NEGR1: variants seen among roughly 807,000 people sequenced by gnomAD.
NEGR1 encodes the protein neuronal growth regulator 1.
In NEGR1, 10 loss-of-function variants were observed where a neutral mutation model predicts 40.9. The ratio of observed to expected loss-of-function variants is 0.24; its 90% CI spans 0.15 to 0.42. The LOEUF (loss-of-function observed/expected upper bound fraction) is 0.42. Among genes scored for constraint, NEGR1 ranks in the 10% least tolerant of loss-of-function variants. NEGR1 has a pLI of 1.00. For missense variants in NEGR1, 352 were observed against 438.9 expected (o/e 0.80, Z 1.77); for synonymous variants, 185 against 166.8 (o/e 1.11, Z -0.84).
At chr1:71,419,884 T>C (rs1482770288) in intron 6 of NEGR1, among the ~76,000 whole-genome samples, 3 of 147,612 alleles carry the variant, frequency 2.0e-5, no homozygotes, top group Non-Finnish European at 3.0e-5. Flanking sequence ...GGAATTCTGG[T>C]CCAAAGAAGA....
In NEGR1 at chr1:71,986,402, C is replaced by T. The variant is rs139216692; in HGVS notation, c.177-51091G>A. Among the ~76,000 whole-genome samples the T allele has an allele frequency of 9.8e-5, 15 of 152,288 alleles. No homozygotes were observed. In the South Asian group the frequency reaches 1.0e-3, roughly 11 times the overall value. On this transcript the variant is annotated intron_variant, in intron 1 of 6. Transcript: ENST00000357731. ...CTTTGAACTCTGCAACTCAGTAACA[C>T]TGAGACGTCCTTCTGGCATGTCTGG...
chr1:71,912,913 C>G (rs1557430241), intron 2 of NEGR1, among the ~76,000 whole-genome samples: 1 of 151,982 alleles, frequency 6.6e-6, no homozygotes, highest in Non-Finnish European at 1.5e-5. Context: ...TTCAACTTAA[C>G]TTTGCAAAAT....
At chr1:71,959,628 C>A (rs767570079) in intron 1 of NEGR1, among the ~76,000 whole-genome samples, 5 of 152,082 alleles carry the variant, frequency 3.3e-5, no homozygotes, top group Non-Finnish European at 7.4e-5. Context: ...GCTTATTAAT[C>A]TTCAATTTCA....
At chr1:72,116,831 A>G (rs1649599228) in intron 1 of NEGR1, among the ~76,000 whole-genome samples, 1 of 151,756 alleles carries the variant, frequency 6.6e-6, no homozygotes, top group African/African-American at 2.4e-5. Context: ...TAACACTAAA[A>G]TGCCCTCCAA....
At chr1:71,666,177 G>GAAC (rs1652235453) in intron 4 of NEGR1, among the ~76,000 whole-genome samples, 1 of 152,058 alleles carries the variant, frequency 6.6e-6, no homozygotes, top group Admixed American at 6.6e-5. Context: ...CATCACTCAA[G>GAAC]AACATTATAT....
At chr1:71,857,839 T>C (rs1659831412) in intron 2 of NEGR1, among the ~76,000 whole-genome samples, 1 of 152,034 alleles carries the variant, frequency 6.6e-6, no homozygotes, top group South Asian at 2.1e-4. Context: ...ATAAATTCTA[T>C]ACAACCCTAC....
Position 72,100,361 on chromosome 1 carries a change from G to A in NEGR1, c.177-165050C>T, listed in dbSNP as rs190368859. ...TTTCTCTGATTTCAGTGCTTCCTCCGTTTTTACTATTGCAAACACCCAAGA... is the reference window on the plus strand; with the variant it reads ...TTTCTCTGATTTCAGTGCTTCCTCCATTTTTACTATTGCAAACACCCAAGA... On this transcript the variant is annotated intron_variant, in intron 1 of 6. Coordinates refer to ENST00000357731, the MANE Select transcript of NEGR1 (RefSeq NM_173808.3). Among the ~76,000 whole-genome samples the A allele has an allele frequency of 7.9e-5, 12 of 152,148 alleles. No individual in the cohort carries two copies. In the East Asian group the frequency reaches 9.7e-4, roughly 12 times the overall value.
chr1:71,536,102 A>G (rs1198780203), intron 6 of NEGR1, among the ~76,000 whole-genome samples: 1 of 151,318 alleles, frequency 6.6e-6, no homozygotes, highest in African/African-American at 2.4e-5. Flanking sequence ...AACCTTACCA[A>G]GTAGAAGCAA....
chr1:71,668,612 T>TA (rs1378371575), intron 4 of NEGR1, among the ~76,000 whole-genome samples: 1 of 152,170 alleles, frequency 6.6e-6, no homozygotes. Flanking sequence ...TGAAAGGACT[T>TA]ATATTCACTT....
intron 2 of NEGR1, among the ~76,000 whole-genome samples, chr1:71,817,364 A>G (rs1291760028): frequency 6.6e-6 from 1 of 152,066 alleles, no homozygotes; most frequent in Non-Finnish European, 1.5e-5. Context: ...TGGCCATTTT[A>G]GCCCAAGTAC....
At position 71,868,481 on chromosome 1, in the gene NEGR1, T is replaced by G. The variant is rs1179070502; in HGVS notation, c.409+66598A>C. The stretch of plus-strand genomic sequence containing the variant: ...TAGATAGATAGACAGAATACATACA[T>G]ACATACATACATACATACATACATA... On this transcript the variant is annotated intron_variant, in intron 2 of 6. Transcript: ENST00000357731. Among the ~76,000 whole-genome samples, 262 of 142,400 alleles carry G rather than the reference T, an allele frequency of 1.8e-3. 1 individual carries two copies. Among genetic ancestry groups the G allele is most frequent in the African/African-American group, 7.6e-3 (255 of 33,742 alleles). The allele number at this position is 142,400 out of a possible 152,430, so 93.4% of individuals were successfully genotyped here.
intron 1 of NEGR1, among the ~76,000 whole-genome samples, chr1:72,068,165 G>A (rs1569908112): frequency 6.6e-6 from 1 of 152,292 alleles, no homozygotes; most frequent in East Asian, 1.9e-4. Context: ...CCCCCAGGTT[G>A]AAGGTCACAT....
chr1:71,544,214 A>C (rs1647811880), intron 6 of NEGR1, among the ~76,000 whole-genome samples: 1 of 151,732 alleles, frequency 6.6e-6, no homozygotes, highest in African/African-American at 2.4e-5. Flanking sequence ...TAAATCATTT[A>C]AGTAGTATAT....
intron 5 of NEGR1, among the ~76,000 whole-genome samples, chr1:71,597,845 G>A (rs953545077): frequency 6.6e-5 from 10 of 151,768 alleles, no homozygotes; most frequent in Admixed American, 5.9e-4. Context: ...TCCAGGAGGC[G>A]GAGGTTGCAG....
intron 1 of NEGR1, among the ~76,000 whole-genome samples, chr1:72,271,281 T>C (rs1251761199): frequency 6.6e-6 from 1 of 151,900 alleles, no homozygotes; most frequent in African/African-American, 2.4e-5. Context: ...AGATGTATTA[T>C]AATCCCTCAA....
At position 71,789,402 on chromosome 1, in the gene NEGR1, C is replaced by T. The variant is rs966212546; in HGVS notation, c.410-13105G>A. ...ATATTTTAGTCAGTTCTAAATGTTC[C>T]TTGTTTAGAGATTTAGTCTTTAACA... On this transcript the variant is annotated intron_variant, in intron 2 of 6. Coordinates refer to ENST00000357731, the MANE Select transcript of NEGR1 (RefSeq NM_173808.3). 4.6e-5 allele frequency among the ~76,000 whole-genome samples: 7 copies of T among 152,050 alleles called. No individual in the cohort carries two copies. The South Asian group carries it at 8.3e-4, about 18-fold the overall frequency.
chr1:71,827,640 A>C (rs1658681464), intron 2 of NEGR1, among the ~76,000 whole-genome samples: 1 of 151,976 alleles, frequency 6.6e-6, no homozygotes, highest in African/African-American at 2.4e-5. Flanking sequence ...CAAAACAATA[A>C]CAAAATTGCT....
chr1:72,216,198 G>A (rs893526011), intron 1 of NEGR1, among the ~76,000 whole-genome samples: 1 of 151,210 alleles, frequency 6.6e-6, no homozygotes, highest in Non-Finnish European at 1.5e-5. Flanking sequence ...CACCCACCGG[G>A]GTATGTCAGG....
chr1:72,218,699 T>C (rs540190795), intron 1 of NEGR1, among the ~76,000 whole-genome samples: 2 of 152,036 alleles, frequency 1.3e-5, no homozygotes, highest in South Asian at 4.1e-4. Flanking sequence ...CTCTGACTTT[T>C]GAAGGATTAA....
Sources: allele counts gnomAD v4.1 joint callset (sites outside exome capture counted in the v4.1 genomes callset), GRCh38; gene constraint gnomAD v4.1.1; transcripts MANE v1.5; gene names NCBI Gene and HGNC (gene_info 2026-07-23, HGNC 2026-07-21).